The following CLSTN2 variants were observed in gnomAD, a reference collection of about 807,000 sequenced individuals.
The protein encoded by CLSTN2 is calsyntenin 2.
A neutral mutation model predicts 101.2 loss-of-function variants in CLSTN2; 48 were observed. The ratio of observed to expected loss-of-function variants is 0.47; its 90% CI spans 0.38 to 0.60. CLSTN2 has a LOEUF of 0.60. CLSTN2 is among the 20% of genes least tolerant of loss of function. CLSTN2 has a pLI of 0.00. For missense variants in CLSTN2, 1,160 were observed against 1,238.2 expected (o/e 0.94, Z 0.95); for synonymous variants, 481 against 463.6 (o/e 1.04, Z -0.48).
At position 140,421,130 on chromosome 3, in the gene CLSTN2, A is replaced by T; in HGVS notation, c.643A>T (p.Ile215Phe). ...VPFAIDRNGNIRNTEKLSYDK... is the reference protein window; with the variant it reads ...VPFAIDRNGNFRNTEKLSYDK... ...TGAACATCTCTGTTCCTCAGGCAAC[A>T]TCAGGAACACTGAGAAGCTGAGCTA... Residue 215 changes from isoleucine (I) to phenylalanine (F), a missense_variant, in exon 5 of 17, where the codon ATC becomes TTC. By Grantham distance (21) the Ile-to-Phe change is conservative. Coordinates refer to ENST00000458420, the MANE Select transcript of CLSTN2 (RefSeq NM_022131.3). 2 of 1,613,878 alleles carry T rather than the reference A, an allele frequency of 1.2e-6. No homozygotes were observed. Among genetic ancestry groups the T allele is most frequent in the Non-Finnish European group, 1.7e-6 (2 of 1,179,942 alleles).
At chr3:140,014,046 C>T (rs1576397058) in intron 1 of CLSTN2, among the ~76,000 whole-genome samples, 1 of 152,156 alleles carries the variant, frequency 6.6e-6, no homozygotes, top group African/African-American at 2.4e-5. Flanking sequence ...TTCCTTGATG[C>T]CATTTTCCAA....
At chr3:139,983,709 T>C (rs1935973914) in intron 1 of CLSTN2, among the ~76,000 whole-genome samples, 1 of 152,182 alleles carries the variant, frequency 6.6e-6, no homozygotes, top group African/African-American at 2.4e-5. Flanking sequence ...AATTAAACTA[T>C]GTAATAATTT....
chr3:140,424,081 A>G (rs185969986), intron 5 of CLSTN2, among the ~76,000 whole-genome samples: 44 of 152,320 alleles, frequency 2.9e-4, no homozygotes, highest in Admixed American at 4.6e-4. Flanking sequence ...TTTGAGTGTT[A>G]TTCCCAACAG....
intron 1 of CLSTN2, among the ~76,000 whole-genome samples, chr3:140,132,261 A>G (rs923727237): frequency 1.3e-5 from 2 of 152,218 alleles, no homozygotes; most frequent in Non-Finnish European, 2.9e-5. Context: ...TAGCACTTAA[A>G]TAATTATTTT....
intron 2 of CLSTN2, among the ~76,000 whole-genome samples, chr3:140,314,308 C>T (rs76971228): frequency 0.023 from 3,455 of 152,282 alleles, 87 homozygotes; most frequent in South Asian, 0.1. Flanking sequence ...CCCTTACTTG[C>T]TACCTTGGAC....
At chr3:140,137,561 C>T (rs2009633295) in intron 1 of CLSTN2, among the ~76,000 whole-genome samples, 1 of 152,164 alleles carries the variant, frequency 6.6e-6, no homozygotes, top group South Asian at 2.1e-4. Context: ...ATGGCAAAGA[C>T]TGTGTCTAGC....
At chr3:140,211,861 C>T (rs1337803087) in intron 2 of CLSTN2, among the ~76,000 whole-genome samples, 1 of 152,052 alleles carries the variant, frequency 6.6e-6, no homozygotes, top group Non-Finnish European at 1.5e-5. Context: ...TTTTGGGCTT[C>T]CAAGGGCCTA....
intron 1 of CLSTN2, among the ~76,000 whole-genome samples, chr3:139,976,701 C>T (rs1000056927): frequency 3.3e-5 from 5 of 152,202 alleles, no homozygotes; most frequent in African/African-American, 1.2e-4. Context: ...ACAGTTGCTA[C>T]TGTGGCCTCG....
chr3:140,163,150 G>A (rs570899380), intron 1 of CLSTN2, among the ~76,000 whole-genome samples: 1 of 152,284 alleles, frequency 6.6e-6, no homozygotes, highest in South Asian at 2.1e-4. Context: ...AGATATTGCT[G>A]CGAAGATATT....
chr3:140,250,651 C>A (rs1289421154), intron 2 of CLSTN2, among the ~76,000 whole-genome samples: 2 of 152,190 alleles, frequency 1.3e-5, no homozygotes, highest in Admixed American at 6.5e-5. Context: ...TTTCTCCACA[C>A]TGGGAGAGTC....
At chr3:140,110,254 T>C (rs2009131904) in intron 1 of CLSTN2, among the ~76,000 whole-genome samples, 1 of 152,200 alleles carries the variant, frequency 6.6e-6, no homozygotes, top group Non-Finnish European at 1.5e-5. Context: ...CCCAAGTGGA[T>C]GTTAAGACGA....
At chr3:140,010,042 A>T (rs974959117) in intron 1 of CLSTN2, among the ~76,000 whole-genome samples, 21 of 152,188 alleles carry the variant, frequency 1.4e-4, no homozygotes, top group African/African-American at 5.1e-4. Context: ...TGCCACCCAC[A>T]GTCATCCATA....
Position 140,329,858 on chromosome 3 carries a change from TTA to T in CLSTN2, c.233-73770_233-73769del, listed in dbSNP as rs1456544423. Among the ~76,000 whole-genome samples, 5 of 152,334 alleles carry T rather than the reference TTA, an allele frequency of 3.3e-5. No individual in the cohort carries two copies. The East Asian group carries it at 9.7e-4, about 29-fold the overall frequency. Reference sequence around the variant, plus strand: ...ATATCATTAGGCCAGTCATAAAATATTAAAAGTTAAGTAATTCAATGTTACTC... The same window carrying T: ...ATATCATTAGGCCAGTCATAAAATATAAAGTTAAGTAATTCAATGTTACTC... On this transcript the variant is annotated intron_variant, in intron 2 of 16. Transcript: ENST00000458420.
intron 2 of CLSTN2, among the ~76,000 whole-genome samples, chr3:140,192,954 C>A (rs1431844137): frequency 6.6e-6 from 1 of 151,362 alleles, no homozygotes; most frequent in East Asian, 1.9e-4. Context: ...TTTTGTATGG[C>A]TTTTTTTAGT....
chr3:140,333,890 G>A (rs1238260394), intron 2 of CLSTN2, among the ~76,000 whole-genome samples: 1 of 152,148 alleles, frequency 6.6e-6, no homozygotes, highest in Admixed American at 6.5e-5. Context: ...TCAGTCCTCT[G>A]TTGATACTTT....
chr3:140,162,758 T>C (rs1174315977), intron 1 of CLSTN2, among the ~76,000 whole-genome samples: 3 of 152,212 alleles, frequency 2.0e-5, no homozygotes, highest in Non-Finnish European at 2.9e-5. Flanking sequence ...CAGTGCTTTC[T>C]TTCTGAAGCA....
At chr3:140,312,432 G>A (rs986401241) in intron 2 of CLSTN2, among the ~76,000 whole-genome samples, 4 of 152,124 alleles carry the variant, frequency 2.6e-5, no homozygotes, top group African/African-American at 9.7e-5. Flanking sequence ...TTTCTTTCAA[G>A]TAGTTTTTCC....
chr3:140,558,494 T>G (rs562187757), intron 11 of CLSTN2, 146 bp from the exon 12 acceptor site: 2 of 598,270 alleles, frequency 3.3e-6, no homozygotes, highest in African/African-American at 1.9e-5. Context: ...GGCTTTAAAT[T>G]TGAATGTCTG....
At chr3:140,132,715 G>A (rs572527330) in intron 1 of CLSTN2, among the ~76,000 whole-genome samples, 11 of 152,272 alleles carry the variant, frequency 7.2e-5, no homozygotes, top group African/African-American at 2.2e-4. Context: ...TAAATACATC[G>A]TTAGTAGCAA....
Sources: gnomAD v4.1 joint callset for allele counts (sites outside exome capture counted in the v4.1 genomes callset) on GRCh38, gnomAD v4.1.1 for gene constraint, MANE v1.5 for transcripts, NCBI Gene and HGNC (gene_info 2026-07-23, HGNC 2026-07-21) for gene names.